The following DDAH1 variants were observed in gnomAD, a reference collection of about 807,000 sequenced individuals.
DDAH1 encodes the protein dimethylarginine dimethylaminohydrolase 1.
A neutral mutation model predicts 28.8 loss-of-function variants in DDAH1; 19 were observed. The ratio of observed to expected loss-of-function variants is 0.66; its 90% CI spans 0.46 to 0.97. The LOEUF (loss-of-function observed/expected upper bound fraction) is 0.97, where lower values mean the gene tolerates loss of function less well. Among genes scored for constraint, DDAH1 ranks in the 50% least tolerant of loss-of-function variants. DDAH1 has a pLI of 0.00. For missense variants in DDAH1, 326 were observed against 375.9 expected, an observed-to-expected ratio of 0.87 and a Z score of 1.10; for synonymous variants, 153 against 154.4, an observed-to-expected ratio of 0.99 and a Z score of 0.07.
intron 1 of DDAH1, among the ~76,000 whole-genome samples, chr1:85,367,105 C>G (rs187413557): frequency 1.6e-4 from 25 of 152,226 alleles, no homozygotes; most frequent in South Asian, 1.0e-3. Context: ...CCCTGGAGTT[C>G]TTGATATATG....
At chr1:85,486,039 A>C (rs556114660) in intron 2 of DDAH1, among the ~76,000 whole-genome samples, 2 of 152,304 alleles carry the variant, frequency 1.3e-5, no homozygotes, top group East Asian at 1.9e-4. Context: ...ACACATGAGA[A>C]AGACATCTAA....
At chr1:85,426,098 T>A (rs1349270584) in intron 1 of DDAH1, among the ~76,000 whole-genome samples, 1 of 152,180 alleles carries the variant, frequency 6.6e-6, no homozygotes, top group Non-Finnish European at 1.5e-5. Flanking sequence ...GTAACACTTA[T>A]AACAGTGTCA....
chr1:85,443,973 G>T (rs1046199512), intron 1 of DDAH1, among the ~76,000 whole-genome samples: 6 of 152,194 alleles, frequency 3.9e-5, no homozygotes, highest in African/African-American at 1.4e-4. Context: ...GGGACAATTT[G>T]ACTTCCTTTT....
At chr1:85,551,589 TGA>T (rs1037551566) in intron 1 of DDAH1, among the ~76,000 whole-genome samples, 109 of 152,342 alleles carry the variant, frequency 7.2e-4, no homozygotes, top group African/African-American at 2.6e-3. Context: ...CTAGGGCCTA[TGA>T]GAGACATTAG....
At chr1:85,576,935 C>A (rs1659625283) in intron 1 of DDAH1, 1 of 153,064 alleles carries the variant, frequency 6.5e-6, no homozygotes, top group East Asian at 1.9e-4. Context: ...CGCAAGCCTG[C>A]CAGGCCGGGT....
chr1:85,361,422 G>C (rs753113471), intron 1 of DDAH1, among the ~76,000 whole-genome samples: 15 of 152,100 alleles, frequency 9.9e-5, no homozygotes, highest in Non-Finnish European at 2.2e-4. Flanking sequence ...CTTTCATTGA[G>C]ACAGTAACCC....
intron 1 of DDAH1, among the ~76,000 whole-genome samples, chr1:85,388,418 T>C (rs1651384511): frequency 1.3e-5 from 2 of 152,172 alleles, no homozygotes; most frequent in Non-Finnish European, 2.9e-5. Flanking sequence ...GTCATTAAAC[T>C]ATGAGATTAC....
chr1:85,321,709 T>C (rs1661352672), intron 5 of DDAH1, 141 bp from the exon 6 acceptor site: 1 of 678,978 alleles, frequency 1.5e-6, no homozygotes. Flanking sequence ...ACCACACACA[T>C]GCCCACAGTC....
chr1:85,542,247 A>T (rs1355147183), intron 1 of DDAH1, among the ~76,000 whole-genome samples: 2 of 152,224 alleles, frequency 1.3e-5, no homozygotes, highest in African/African-American at 4.8e-5. Context: ...GTATGGGGCC[A>T]TTCATAGAAG....
intron 1 of DDAH1, chr1:85,380,505 C>G (rs1650929457): frequency 6.6e-6 from 1 of 152,146 alleles, no homozygotes. Flanking sequence ...TCCCACTGGC[C>G]TCTGGTTACA....
chr1:85,488,765 C>T (rs1158258769), intron 2 of DDAH1, among the ~76,000 whole-genome samples: 1 of 152,014 alleles, frequency 6.6e-6, no homozygotes, highest in African/African-American at 2.4e-5. Context: ...GAGCTAGAGT[C>T]CTAGAGACTG....
chr1:85,477,161 TG>T (rs1655832397), intron 2 of DDAH1, among the ~76,000 whole-genome samples: 1 of 152,118 alleles, frequency 6.6e-6, no homozygotes, highest in Non-Finnish European at 1.5e-5. Context: ...GCCGAGCATA[TG>T]AGCAAAGACA....
chr1:85,402,161 ATTTTTT>A (rs11365834), intron 1 of DDAH1, among the ~76,000 whole-genome samples: 4 of 120,426 alleles, frequency 3.3e-5, no homozygotes, highest in South Asian at 2.8e-4. Context: ...TAATACTTCT[ATTTTTT>A]TTTTTTTTTT....
chr1:85,340,283 G>A (rs756153247), intron 4 of DDAH1, among the ~76,000 whole-genome samples: 1 of 152,194 alleles, frequency 6.6e-6, no homozygotes, highest in African/African-American at 2.4e-5. Flanking sequence ...ATCTAGGTCA[G>A]TGAAATCCAG....
chr1:85,489,027 T>C lies in DDAH1; in HGVS notation c.-7+7139A>G, dbSNP rs1028441575. On this transcript the variant is annotated intron_variant, in intron 2 of 6. Coordinates refer to the DDAH1 transcript ENST00000426972. ...TTGTCATGTCACTACTTATAAACAA[T>C]AGTCAACTTGCACCCAGCTGTTACT... Among the ~76,000 whole-genome samples, 9 of 152,318 alleles carry C rather than the reference T, an allele frequency of 5.9e-5. No homozygotes were observed. The East Asian group carries it at 1.5e-3, about 26-fold the overall frequency.
chr1:85,466,516 T>C (rs556517966), upstream of DDAH1, among the ~76,000 whole-genome samples: 2 of 152,342 alleles, frequency 1.3e-5, no homozygotes, highest in South Asian at 2.1e-4. Context: ...CCCAAAGTGC[T>C]GGGATTACAG....
chr1:85,509,087 T>C (rs997911867), intron 1 of DDAH1, among the ~76,000 whole-genome samples: 2 of 152,162 alleles, frequency 1.3e-5, no homozygotes, highest in African/African-American at 2.4e-5. Flanking sequence ...AGATACCTCA[T>C]ATAGGCAGGT....
chr1:85,354,558 T>C lies in DDAH1; in HGVS notation c.404-2979A>G, dbSNP rs1041283814. 2.6e-5 allele frequency among the ~76,000 whole-genome samples: 4 copies of C among 152,234 alleles called. No homozygotes were observed. The South Asian group carries it at 6.2e-4, about 24-fold the overall frequency. ...GTATTTGGTCTACTTGAAATGAAATTCATAAAGGAAAGAAAAGCTAAATAC... is the reference window on the plus strand; with the variant it reads ...GTATTTGGTCTACTTGAAATGAAATCCATAAAGGAAAGAAAAGCTAAATAC... On this transcript the variant is annotated intron_variant, in intron 2 of 5. Transcript: ENST00000284031.
chr1:85,333,057 C>T (rs1049134262), intron 4 of DDAH1, among the ~76,000 whole-genome samples: 10 of 152,220 alleles, frequency 6.6e-5, no homozygotes, highest in African/African-American at 2.4e-4. Flanking sequence ...CTGGCGCCCA[C>T]ATATGCCACC....
Sources: gnomAD v4.1 joint callset for allele counts (sites outside exome capture counted in the v4.1 genomes callset) on GRCh38, gnomAD v4.1.1 for gene constraint, MANE v1.5 for transcripts, NCBI Gene and HGNC (gene_info 2026-07-23, HGNC 2026-07-21) for gene names.